Variants in PRKCA observed in about 807,000 individuals in gnomAD.
PRKCA encodes the protein protein kinase C alpha, also known as protein kinase C alpha type.
In PRKCA, 27 loss-of-function variants were observed where a neutral mutation model predicts 87.0. The ratio of observed to expected loss-of-function variants is 0.31; its 90% CI spans 0.23 to 0.43. The LOEUF (loss-of-function observed/expected upper bound fraction) is 0.43, where lower values mean the gene tolerates loss of function less well. Ranked by LOEUF, PRKCA falls within the 20% of genes least tolerant of loss-of-function variation. The pLI is 1.00. For synonymous variants in PRKCA, 329 were observed against 311.1 expected (o/e 1.06, Z -0.61); for missense variants, 518 against 852.3 (o/e 0.61, Z 4.88).
chr17:66,502,304 G>T (rs1212540771), intron 3 of PRKCA, among the ~76,000 whole-genome samples: 1 of 151,336 alleles, frequency 6.6e-6, no homozygotes. Context: ...GCGCGATCTT[G>T]GCTCACTGCA....
intron 2 of PRKCA, among the ~76,000 whole-genome samples, chr17:66,373,746 C>A (rs1489767448): frequency 6.6e-6 from 1 of 152,162 alleles, no homozygotes; most frequent in African/African-American, 2.4e-5. Flanking sequence ...AGGAAAGCGG[C>A]CATTAAAACC....
chr17:66,580,892 T>G (rs761982419), intron 3 of PRKCA, among the ~76,000 whole-genome samples: 2 of 151,694 alleles, frequency 1.3e-5, no homozygotes, highest in Admixed American at 6.6e-5. Flanking sequence ...GATCATACAA[T>G]GTGTAGAGAG....
At chr17:66,445,979 A>G (rs1441346042) in intron 2 of PRKCA, among the ~76,000 whole-genome samples, 2 of 151,636 alleles carry the variant, frequency 1.3e-5, no homozygotes, top group Non-Finnish European at 2.9e-5. Context: ...ACACCTGGCT[A>G]ATTTTTGTAT....
intron 2 of PRKCA, among the ~76,000 whole-genome samples, chr17:66,384,352 T>C (rs1909931320): frequency 6.6e-6 from 1 of 152,202 alleles, no homozygotes; most frequent in Admixed American, 6.5e-5. Flanking sequence ...TATGGAGTAG[T>C]GATTTGTCTT....
intron 5 of PRKCA, among the ~76,000 whole-genome samples, chr17:66,684,055 G>A (rs147747935): frequency 1.3e-5 from 2 of 152,068 alleles, no homozygotes; most frequent in East Asian, 3.9e-4. Flanking sequence ...TTGCCTCTTA[G>A]CCTGACATTC....
chr17:66,477,097 G>C (rs62070455), intron 2 of PRKCA, among the ~76,000 whole-genome samples: 32,308 of 151,966 alleles, frequency 0.21, 3,629 homozygotes, highest in Admixed American at 0.25. Flanking sequence ...CCAGGACGAG[G>C]GGCTTCATGC....
chr17:66,583,845 A>C (rs1037355584), intron 3 of PRKCA, among the ~76,000 whole-genome samples: 2 of 152,216 alleles, frequency 1.3e-5, no homozygotes, highest in Non-Finnish European at 2.9e-5. Context: ...TCTTCACTGC[A>C]ATCCAACATT....
intron 2 of PRKCA, among the ~76,000 whole-genome samples, chr17:66,435,070 G>GATGT (rs2143845869): frequency 6.6e-6 from 1 of 152,242 alleles, no homozygotes; most frequent in South Asian, 2.1e-4. Flanking sequence ...AGTAACCTTT[G>GATGT]ATGTATGAAT....
intron 5 of PRKCA, among the ~76,000 whole-genome samples, chr17:66,681,896 C>G (rs745491967): frequency 8.5e-5 from 13 of 152,218 alleles, no homozygotes; most frequent in Non-Finnish European, 1.5e-4. Context: ...GCATAGCGGT[C>G]ACTCCCGCCT....
rs147425264 is a variant in PRKCA, at chr17:66,487,115, C to A, written c.206-9086C>A. On this transcript the variant is annotated intron_variant, in intron 2 of 16. Transcript: ENST00000413366. ...AACTATAATTTCCCTGCTGTGCTAT[C>A]GATTACTAGAACTTATTCCTTCTGT... 3.2e-4 allele frequency among the ~76,000 whole-genome samples: 49 copies of A among 152,254 alleles called. 1 individual carries two copies. Among genetic ancestry groups the A allele is most frequent in the Middle Eastern group, 6.8e-3 (2 of 294 alleles).
intron 3 of PRKCA, among the ~76,000 whole-genome samples, chr17:66,617,240 C>A (rs182836715): frequency 2.4e-4 from 37 of 152,224 alleles, no homozygotes; most frequent in African/African-American, 8.2e-4. Flanking sequence ...AGTTTCATGT[C>A]TTTTGACCTA....
intron 2 of PRKCA, among the ~76,000 whole-genome samples, chr17:66,434,494 G>A (rs544946403): frequency 1.3e-5 from 2 of 152,128 alleles, no homozygotes; most frequent in African/African-American, 2.4e-5. Flanking sequence ...TCAGAAACAG[G>A]AGGATGCTTA....
At position 66,356,923 on chromosome 17, in the gene PRKCA, T is replaced by C. The variant is rs191011574; in HGVS notation, c.205+50796T>C. ...CCACACCACCATGCCCTGCTATTTA[T>C]TGATTTTTTACTTTTGGGAGAGACG... On this transcript the variant is annotated intron_variant, in intron 2 of 16. Coordinates refer to ENST00000413366, the MANE Select transcript of PRKCA (RefSeq NM_002737.3). 2.0e-4 allele frequency among the ~76,000 whole-genome samples: 30 copies of C among 152,282 alleles called. 1 individual carries two copies. The East Asian group carries it at 4.1e-3, about 21-fold the overall frequency.
At chr17:66,619,413 A>G (rs1970610478) in intron 3 of PRKCA, among the ~76,000 whole-genome samples, 1 of 150,596 alleles carries the variant, frequency 6.6e-6, no homozygotes, top group Non-Finnish European at 1.5e-5. Flanking sequence ...TAAACATGAG[A>G]GCAACAGCTG....
chr17:66,356,875 C>T (rs1908090904), intron 2 of PRKCA, among the ~76,000 whole-genome samples: 1 of 152,168 alleles, frequency 6.6e-6, no homozygotes, highest in Admixed American at 6.5e-5. Flanking sequence ...CCACCTTAGC[C>T]TCCTGAGTCG....
intron 2 of PRKCA, among the ~76,000 whole-genome samples, chr17:66,343,712 G>C (rs77549618): frequency 0.015 from 2,337 of 152,204 alleles, 42 homozygotes; most frequent in East Asian, 0.11. Context: ...AGATATAAAG[G>C]GGGGGTTGAA....
At chr17:66,462,791 A>G (rs73332629) in intron 2 of PRKCA, among the ~76,000 whole-genome samples, 2,238 of 152,284 alleles carry the variant, frequency 0.015, 50 homozygotes, top group African/African-American at 0.051. Context: ...GAGGAATGAA[A>G]TGTCCTCCTG....
chr17:66,650,803 C>G (rs1971572893), intron 5 of PRKCA, among the ~76,000 whole-genome samples: 1 of 152,138 alleles, frequency 6.6e-6, no homozygotes, highest in Non-Finnish European at 1.5e-5. Flanking sequence ...TCCACCTTAC[C>G]ATGGTGTATT....
intron 3 of PRKCA, among the ~76,000 whole-genome samples, chr17:66,512,853 C>T (rs1261953427): frequency 3.3e-5 from 5 of 152,158 alleles, no homozygotes; most frequent in East Asian, 1.9e-4. Flanking sequence ...CCACCATGCC[C>T]GGCTAATTTT....
Sources: gnomAD v4.1 joint callset for allele counts (sites outside exome capture counted in the v4.1 genomes callset) on GRCh38, gnomAD v4.1.1 for gene constraint, MANE v1.5 for transcripts, NCBI Gene and HGNC (gene_info 2026-07-23, HGNC 2026-07-21) for gene names.